Variants in STK38L observed in about 807,000 individuals in gnomAD.
The protein encoded by STK38L is serine/threonine kinase 38 like, also known as serine/threonine-protein kinase 38-like.
A neutral mutation model predicts 59.7 loss-of-function variants in STK38L; 28 were observed. That is an observed-to-expected ratio of 0.47 (90% CI 0.35 to 0.64). The LOEUF is 0.64. Among genes scored for constraint, STK38L ranks in the 30% least tolerant of loss-of-function variants. The pLI, the probability that STK38L is intolerant of heterozygous loss-of-function variation, is 0.01. For missense variants in STK38L, 314 were observed against 555.8 expected, an observed-to-expected ratio of 0.56 and a Z score of 4.37; for synonymous variants, 162 against 176.8, an observed-to-expected ratio of 0.92 and a Z score of 0.66.
Position 27,308,597 on chromosome 12 carries a change from G to T in STK38L, c.309+136G>T. 1 of 938,480 alleles carries T rather than the reference G, an allele frequency of 1.1e-6. No homozygotes were observed. The highest frequency in any genetic ancestry group is 1.4e-6 in the Non-Finnish European group (1 of 734,824). 58.1% of individuals were successfully genotyped at this position (938,480 alleles called of 1,614,324 possible). On this transcript the variant is annotated intron_variant, in intron 4 of 13. Transcript: ENST00000389032. This position sits in a 1 kb window ranked among gnomAD's most constrained non-coding sequence, Gnocchi z 4.5. ...CCCAATACTTTGGGAGGCCGAGGCG[G>T]GTGGATCGCCTGAGGTCAGGAGTTC...
intron 1 of STK38L, among the ~76,000 whole-genome samples, chr12:27,283,763 CCT>C (rs1306964032): frequency 1.3e-5 from 2 of 151,902 alleles, no homozygotes; most frequent in Admixed American, 6.6e-5. Context: ...TCTTTTTTCC[CCT>C]CTGTTATTCA....
At chr12:27,292,335 T>A (rs1213725772) in intron 1 of STK38L, among the ~76,000 whole-genome samples, 2 of 152,206 alleles carry the variant, frequency 1.3e-5, no homozygotes, top group East Asian at 1.9e-4. Context: ...AGGAAACAAA[T>A]TTTTCTTGTT....
At chr12:27,281,557 G>C (rs2136626422) in intron 1 of STK38L, among the ~76,000 whole-genome samples, 1 of 152,270 alleles carries the variant, frequency 6.6e-6, no homozygotes, top group Middle Eastern at 3.4e-3. Context: ...TGGAGAAATA[G>C]TACCTACCTC....
intron 1 of STK38L, among the ~76,000 whole-genome samples, chr12:27,296,129 C>T (rs981594301): frequency 1.3e-5 from 2 of 152,096 alleles, no homozygotes; most frequent in Non-Finnish European, 2.9e-5. Context: ...ATGGCAAGTG[C>T]CTCTATCTTA....
At chr12:27,245,817 A>T (rs558684226) in intron 1 of STK38L, 7 of 152,274 alleles carry the variant, frequency 4.6e-5, no homozygotes, top group Admixed American at 1.3e-4. Context: ...ACAATGAATT[A>T]AAAAATGTTT....
chr12:27,250,328 A>AC (rs1392028739), intron 1 of STK38L, among the ~76,000 whole-genome samples: 1 of 152,236 alleles, frequency 6.6e-6, no homozygotes, highest in Non-Finnish European at 1.5e-5. Context: ...AATTCAAGAG[A>AC]CACAGTAAGT....
intron 3 of STK38L, among the ~76,000 whole-genome samples, chr12:27,304,258 CAAAAAAAAAAAAAA>C: frequency 1.6e-5 from 1 of 62,874 alleles, no homozygotes; most frequent in Non-Finnish European, 3.1e-5. Context: ...GAGTCTGTCT[CAAAAAAAAAAAAAA>C]AAAAAAAAGA....
At chr12:27,277,354 A>C (rs940692586) in intron 1 of STK38L, among the ~76,000 whole-genome samples, 5 of 150,004 alleles carry the variant, frequency 3.3e-5, no homozygotes, top group Non-Finnish European at 4.4e-5. Flanking sequence ...CATCTCAAAA[A>C]ACACACACAC....
intron 1 of STK38L, among the ~76,000 whole-genome samples, chr12:27,254,776 G>T (rs1004076442): frequency 6.6e-6 from 1 of 152,192 alleles, no homozygotes; most frequent in East Asian, 1.9e-4. Context: ...AAGCGGGCTT[G>T]TGGGGTGGTA....
At chr12:27,313,412 C>T (rs1481155467) in intron 6 of STK38L, among the ~76,000 whole-genome samples, 1 of 152,044 alleles carries the variant, frequency 6.6e-6, no homozygotes, top group African/African-American at 2.4e-5. Context: ...GATGAAGTCT[C>T]GCTCTGTTGC....
chr12:27,283,503 G>GTGTCAGTGTTCTC (rs1943704065), intron 1 of STK38L, among the ~76,000 whole-genome samples: 1 of 152,108 alleles, frequency 6.6e-6, no homozygotes, highest in African/African-American at 2.4e-5. Flanking sequence ...TAAGAACACT[G>GTGTCAGTGTTCTC]ACACCCTGAG....
At chr12:27,300,450 C>A in intron 2 of STK38L, 1 of 433,458 alleles carries the variant, frequency 2.3e-6, no homozygotes, top group Non-Finnish European at 4.7e-6. Context: ...TTGGCAATAA[C>A]TGAGGAAAGG....
intron 1 of STK38L, among the ~76,000 whole-genome samples, chr12:27,274,920 T>C (rs1302546231): frequency 6.6e-6 from 1 of 152,196 alleles, no homozygotes; most frequent in Non-Finnish European, 1.5e-5. Context: ...TGCTAGACCA[T>C]TTTAGTTATC....
chr12:27,278,426 A>T (rs1465541151), intron 1 of STK38L, among the ~76,000 whole-genome samples: 3 of 152,204 alleles, frequency 2.0e-5, no homozygotes, highest in Admixed American at 1.3e-4. Flanking sequence ...CTAATTGTTT[A>T]TATGGGTTAG....
Position 27,287,357 on chromosome 12 carries a change from G to A in STK38L, c.-11-10353G>A, listed in dbSNP as rs1013613960. 5.9e-5 allele frequency among the ~76,000 whole-genome samples: 9 copies of A among 152,018 alleles called. No individual in the cohort carries two copies. In the South Asian group the frequency reaches 1.0e-3, roughly 17 times the overall value. On this transcript the variant is annotated intron_variant, in intron 1 of 13. Transcript: ENST00000389032. ...ACTCCTGACCTCAAGAGATCCACCC[G>A]TCTCAGCCTCTCAAAGTGCTGGGAT... is the stretch of plus-strand genomic sequence containing the variant.
intron 12 of STK38L, among the ~76,000 whole-genome samples, chr12:27,320,155 C>A (rs1240302655): frequency 2.6e-5 from 4 of 152,222 alleles, no homozygotes; most frequent in Non-Finnish European, 5.9e-5. Context: ...GCTGCCTCTA[C>A]CCCTACCCTG....
intron 1 of STK38L, among the ~76,000 whole-genome samples, chr12:27,251,513 G>A (rs1034281836): frequency 6.6e-6 from 1 of 152,140 alleles, no homozygotes; most frequent in Non-Finnish European, 1.5e-5. Flanking sequence ...TAGGTCTTTC[G>A]ACTCTAATAT....
chr12:27,286,423 C>G (rs1312539941), intron 1 of STK38L, among the ~76,000 whole-genome samples: 1 of 152,142 alleles, frequency 6.6e-6, no homozygotes, highest in Non-Finnish European at 1.5e-5. Flanking sequence ...AATTTAACTT[C>G]CTCTCCCATT....
Position 27,292,022 on chromosome 12 carries a change from A to G in STK38L, c.-11-5688A>G, listed in dbSNP as rs143719292. Among the ~76,000 whole-genome samples, 46 of 152,358 alleles carry G rather than the reference A, an allele frequency of 3.0e-4. No individual in the cohort carries two copies. The East Asian group carries it at 3.7e-3, about 12-fold the overall frequency. The stretch of plus-strand genomic sequence containing the variant: ...ATAAAAAAGAATGTTGGACTTAACT[A>G]TTGGTAGTGTCTCCATTAATGAATA... On this transcript the variant is annotated intron_variant, in intron 1 of 13. Transcript: ENST00000389032.
Sources: gnomAD v4.1 joint callset for allele counts (sites outside exome capture counted in the v4.1 genomes callset) on GRCh38, gnomAD v4.1.1 for gene constraint, Gnocchi (gnomAD v3.1) non-coding constraint, MANE v1.5 for transcripts, NCBI Gene and HGNC (gene_info 2026-07-23, HGNC 2026-07-21) for gene names.